Variants in USH2A observed in about 807,000 individuals in gnomAD.
The protein encoded by USH2A is Usher syndrome 2A (autosomal recessive, mild).
USH2A carries 443 observed loss-of-function variants against 538.9 expected under a neutral mutation model. The observed-to-expected ratio is 0.82, with a 90% CI of 0.76 to 0.89. USH2A has a LOEUF of 0.89. Among genes scored for constraint, USH2A ranks in the 40% least tolerant of loss-of-function variants. The probability of loss-of-function intolerance (pLI) is 0.00; values close to 1 mark genes in which losing one functional copy is unlikely to be tolerated. For synonymous variants in USH2A, 2,413 were observed against 2,273.5 expected, an observed-to-expected ratio of 1.06 and a Z score of -1.75; for missense variants, 6,633 against 6,324.8, an observed-to-expected ratio of 1.05 and a Z score of -1.65.
At chr1:216,240,035 A>T (rs968118509) in intron 13 of USH2A, among the ~76,000 whole-genome samples, 1 of 139,714 alleles carries the variant, frequency 7.2e-6, no homozygotes, top group African/African-American at 2.6e-5. Context: ...AAAAAAAAAG[A>T]GAGAAGGAGA....
rs1481615035 is a variant in USH2A, at chr1:216,323,510, CTG to C, written c.1512_1513del (p.His504GlnfsTer11). The C allele has an allele frequency of 6.2e-7, 1 of 1,613,418 alleles. No homozygotes were observed. Among genetic ancestry groups the C allele is most frequent in the South Asian group, 1.1e-5 (1 of 91,068 alleles). On this transcript the variant is annotated frameshift_variant, in exon 8 of 72. Coordinates refer to ENST00000307340, the MANE Select transcript of USH2A (RefSeq NM_206933.4). LOFTEE classifies it high-confidence loss of function. ...GGTGATTTCGTCCACTGCATAATAT[CTG>C]TGTCTGAGGTTAACAGCAGTCTCAG...
intron 9 of USH2A, among the ~76,000 whole-genome samples, chr1:216,308,975 G>C (rs1381331929): frequency 6.6e-6 from 1 of 152,146 alleles, no homozygotes; most frequent in Non-Finnish European, 1.5e-5. Flanking sequence ...ACGAACCTCT[G>C]TATACAACTA....
At chr1:216,356,392 T>C (rs1396467264) in intron 4 of USH2A, among the ~76,000 whole-genome samples, 35 of 152,148 alleles carry the variant, frequency 2.3e-4, no homozygotes, top group Non-Finnish European at 2.9e-5. Flanking sequence ...TTAATTCTTA[T>C]TATAAAATTA....
chr1:215,798,008 A>G (rs1191797995), intron 50 of USH2A, among the ~76,000 whole-genome samples: 5 of 152,204 alleles, frequency 3.3e-5, no homozygotes, highest in African/African-American at 7.2e-5. Flanking sequence ...AAATATCAAC[A>G]TTAACAGGAG....
chr1:216,262,722 G>A (rs1218121691), intron 11 of USH2A, among the ~76,000 whole-genome samples: 1 of 151,950 alleles, frequency 6.6e-6, no homozygotes, highest in African/African-American at 2.4e-5. Flanking sequence ...GATCCAGGAA[G>A]CTCAAAAGTT....
chr1:216,138,433 T>C (rs549278482), intron 21 of USH2A, among the ~76,000 whole-genome samples: 1 of 152,350 alleles, frequency 6.6e-6, no homozygotes, highest in South Asian at 2.1e-4. Context: ...CGTGCAGCTA[T>C]TGCTCCAACT....
At chr1:216,280,292 A>G (rs185336197) in intron 11 of USH2A, among the ~76,000 whole-genome samples, 100 of 152,188 alleles carry the variant, frequency 6.6e-4, no homozygotes, top group African/African-American at 2.3e-3. Context: ...TGTTCATAAG[A>G]TAGACTTCTT....
At chr1:216,317,545 G>C (rs2037531925) in intron 9 of USH2A, among the ~76,000 whole-genome samples, 1 of 151,960 alleles carries the variant, frequency 6.6e-6, no homozygotes, top group African/African-American at 2.4e-5. Context: ...ATGTTCCTCT[G>C]AACTTAAAAT....
rs574143099 is a variant in USH2A, at chr1:215,873,664, G to A, written c.8681+4094C>T. On this transcript the variant is annotated intron_variant, in intron 43 of 71. Coordinates refer to ENST00000307340, the MANE Select transcript of USH2A (RefSeq NM_206933.4). Reference sequence around the variant, plus strand: ...AGAATTTATGATATATTTAGCTTAAGCATTTACATCTTAAGTCTTACCCTT... The same window carrying A: ...AGAATTTATGATATATTTAGCTTAAACATTTACATCTTAAGTCTTACCCTT... Among the ~76,000 whole-genome samples the A allele has an allele frequency of 3.3e-5, 5 of 152,124 alleles. No individual in the cohort carries two copies. In the East Asian group the frequency reaches 7.7e-4, roughly 24 times the overall value.
In USH2A at chr1:216,106,422, T is replaced by G. The variant is rs189331752; in HGVS notation, c.4628-9209A>C. 8.6e-5 allele frequency among the ~76,000 whole-genome samples: 13 copies of G among 151,168 alleles called. No individual in the cohort carries two copies. In the East Asian group the frequency reaches 2.5e-3, roughly 29 times the overall value. On this transcript the variant is annotated intron_variant, in intron 21 of 71. Coordinates refer to ENST00000307340, the MANE Select transcript of USH2A (RefSeq NM_206933.4). ...GTTTTCATTATGAATAGGTATAAAATTTTGTGAAATGTCTTTCAGCTGTAT... is the reference window on the plus strand; with the variant it reads ...GTTTTCATTATGAATAGGTATAAAAGTTTGTGAAATGTCTTTCAGCTGTAT...
At chr1:215,690,791 G>A (rs950249649) in intron 61 of USH2A, among the ~76,000 whole-genome samples, 14 of 151,776 alleles carry the variant, frequency 9.2e-5, no homozygotes, top group African/African-American at 3.4e-4. Flanking sequence ...TTAACTTCAA[G>A]ATACATCCAG....
intron 9 of USH2A, among the ~76,000 whole-genome samples, chr1:216,292,626 G>C (rs2037024357): frequency 6.6e-6 from 1 of 151,890 alleles, no homozygotes; most frequent in South Asian, 2.1e-4. Context: ...AATTTTTGTG[G>C]GTACGTAGTA....
intron 3 of USH2A, among the ~76,000 whole-genome samples, chr1:216,402,787 C>T (rs141481978): frequency 6.6e-6 from 1 of 152,132 alleles, no homozygotes; most frequent in East Asian, 1.9e-4. Flanking sequence ...TTAACTCCAT[C>T]GGGAGTCAAT....
chr1:216,207,255 C>T lies in USH2A; in HGVS notation c.3316+18G>A, dbSNP rs1346117124. 1.9e-6 allele frequency: 3 copies of T among 1,613,590 alleles called. No individual in the cohort carries two copies. Among genetic ancestry groups the T allele is most frequent in the Non-Finnish European group, 2.5e-6 (3 of 1,179,750 alleles). ...ATTCTCAGAATATTTATTTCTATTACCAAACCCTTAAACTCACTGTATGGG... is the reference window on the plus strand; with the variant it reads ...ATTCTCAGAATATTTATTTCTATTATCAAACCCTTAAACTCACTGTATGGG... On this transcript the variant is annotated intron_variant, in intron 16 of 71. Coordinates refer to ENST00000307340, the MANE Select transcript of USH2A (RefSeq NM_206933.4).
chr1:216,024,796 G>A (rs1668925906), intron 32 of USH2A, among the ~76,000 whole-genome samples: 1 of 151,894 alleles, frequency 6.6e-6, no homozygotes, highest in African/African-American at 2.4e-5. Flanking sequence ...ATTATACACT[G>A]TTCTGGGTTA....
intron 16 of USH2A, chr1:216,204,345 T>C (rs1201088810): frequency 1.3e-5 from 2 of 152,158 alleles, no homozygotes; most frequent in African/African-American, 4.8e-5. Flanking sequence ...GACCTCTACC[T>C]TAAATAAAAC....
Position 215,961,509 on chromosome 1 carries a change from T to C in USH2A, c.7120+3808A>G, listed in dbSNP as rs148062839. ...ATCCTTATAAAAACAGCATCAGGAC[T>C]TCTGGGGTAAAATTAGAAATATATA... is the stretch of plus-strand genomic sequence containing the variant. On this transcript the variant is annotated intron_variant, in intron 37 of 71. Coordinates refer to ENST00000307340, the MANE Select transcript of USH2A (RefSeq NM_206933.4). Among the ~76,000 whole-genome samples, 589 of 151,600 alleles carry C rather than the reference T, an allele frequency of 3.9e-3. 4 individuals are homozygous for C. Among genetic ancestry groups the C allele is most frequent in the African/African-American group, 0.014 (567 of 41,470 alleles).
chr1:216,414,476 G>C (rs566296746), intron 3 of USH2A, among the ~76,000 whole-genome samples: 1 of 152,020 alleles, frequency 6.6e-6, no homozygotes, highest in East Asian at 1.9e-4. Flanking sequence ...TGGATTTCCT[G>C]ACATCTTTTC....
chr1:216,158,550 T>TG (rs1390034265), intron 21 of USH2A, among the ~76,000 whole-genome samples: 2 of 152,176 alleles, frequency 1.3e-5, no homozygotes, highest in Non-Finnish European at 2.9e-5. Flanking sequence ...TGTATTTATT[T>TG]GGGGTATTTA....
Sources: gnomAD v4.1 joint callset for allele counts (sites outside exome capture counted in the v4.1 genomes callset) on GRCh38, gnomAD v4.1.1 for gene constraint, MANE v1.5 for transcripts, NCBI Gene and HGNC (gene_info 2026-07-23, HGNC 2026-07-21) for gene names.